Variants in SETD5 observed in about 807,000 individuals in gnomAD.
The protein encoded by SETD5 is SET domain containing 5.
SETD5 carries 44 observed loss-of-function variants against 153.3 expected under a neutral mutation model. That is an observed-to-expected ratio of 0.29 (90% CI 0.23 to 0.37). The LOEUF (loss-of-function observed/expected upper bound fraction) is 0.37. SETD5 is among the 10% of genes least tolerant of loss of function. SETD5 has a pLI of 1.00. For missense variants in SETD5, 1,544 were observed against 1,768.0 expected (o/e 0.87, Z 2.27); for synonymous variants, 716 against 645.2 (o/e 1.11, Z -1.66).
At chr3:9,426,377 A>G (rs958727063) in intron 2 of SETD5, among the ~76,000 whole-genome samples, 11 of 149,660 alleles carry the variant, frequency 7.3e-5, no homozygotes, top group African/African-American at 2.5e-4. Flanking sequence ...CTGGGACTAC[A>G]GGTGCATGCC....
intron 18 of SETD5, among the ~76,000 whole-genome samples, chr3:9,467,214 AAAAAAAAAAAC>A (rs2044706137): frequency 1.3e-5 from 2 of 151,302 alleles, no homozygotes; most frequent in Admixed American, 6.6e-5. Flanking sequence ...AAAAAAAAAA[AAAAAAAAAAAC>A]AACCTTACTA....
In SETD5 at chr3:9,447,294, C is replaced by A; in HGVS notation, c.1769C>A (p.Ser590Tyr). The A allele has an allele frequency of 6.2e-7, 1 of 1,613,070 alleles. No homozygotes were observed. The highest frequency in any genetic ancestry group is 8.5e-7 in the Non-Finnish European group (1 of 1,179,550). Residue 590 changes from serine (S) to tyrosine (Y), a missense_variant, in exon 14 of 23, where the codon TCT becomes TAT. Physicochemically the swap from Ser to Tyr is moderately radical, Grantham distance 144. This residue lies in a region of SETD5 where 782 missense variants were observed against 787.2 expected (regional missense o/e 0.99). Coordinates refer to ENST00000402198, the MANE Select transcript of SETD5 (RefSeq NM_001080517.3). ...PQSVGVNTRRSSQAGDIAAEK... is the reference protein window; with the variant it reads ...PQSVGVNTRRYSQAGDIAAEK... ...AGTGTTGGTGTGAATACCCGGAGGT[C>A]TTCCCAAGCAGGGGTAAGAGTTGAA...
rs1286039984 is a variant in SETD5, at chr3:9,440,445, G to A, written c.568-11G>A. On this transcript the variant is annotated splice_polypyrimidine_tract_variant and intron_variant, in intron 7 of 22. Transcript: ENST00000402198. The stretch of plus-strand genomic sequence containing the variant: ...GGACTTTACTAACCTCCCTGAATTT[G>A]TTTTCTACAGAATTCTCCCTCTGAA... 7.0e-7 allele frequency: 1 copy of A among 1,433,400 alleles called. No individual in the cohort carries two copies. The highest frequency in any genetic ancestry group is 1.1e-5 in the South Asian group (1 of 87,404). The allele number at this position is 1,433,400 out of a possible 1,614,324, so 88.8% of individuals were successfully genotyped here.
chr3:9,430,694 G>C (rs1170976343), intron 3 of SETD5: 2 of 394,544 alleles, frequency 5.1e-6, no homozygotes, highest in Non-Finnish European at 6.9e-6. Context: ...AAACCAATAC[G>C]TTTGGAATTG....
intron 1 of SETD5, among the ~76,000 whole-genome samples, chr3:9,412,391 T>G (rs570858054): frequency 2.2e-4 from 29 of 134,120 alleles, no homozygotes; most frequent in South Asian, 1.3e-3. Context: ...TTTTGGGTTT[T>G]TTTTTTTTTT....
intron 18 of SETD5, among the ~76,000 whole-genome samples, chr3:9,468,268 CT>C (rs1187439650): frequency 1.3e-5 from 2 of 152,052 alleles, no homozygotes; most frequent in Non-Finnish European, 2.9e-5. Context: ...GAGATGTTTA[CT>C]TACAGCATGA....
chr3:9,412,192 G>T (rs1027889478), intron 1 of SETD5, among the ~76,000 whole-genome samples: 3 of 151,768 alleles, frequency 2.0e-5, no homozygotes, highest in African/African-American at 7.3e-5. Context: ...TGATTTTTTT[G>T]TTGTTGTTTT....
chr3:9,434,612 C>A lies in SETD5; in HGVS notation c.329+127C>A. 6.7e-7 allele frequency: 1 copy of A among 1,495,372 alleles called. No homozygotes were observed. The highest frequency in any genetic ancestry group is 1.4e-5 in the South Asian group (1 of 73,060). 92.6% of individuals were successfully genotyped at this position (1,495,372 alleles called of 1,614,324 possible). ...TAGATGATTCCTTAGTGCTCCTTGG[C>A]TCGAATTCTCTGCACTAGGTGAGAA... On this transcript the variant is annotated intron_variant, in intron 5 of 22. Coordinates refer to ENST00000402198, the MANE Select transcript of SETD5 (RefSeq NM_001080517.3). The surrounding 1 kb of genome is among the most constrained non-coding windows in gnomAD (Gnocchi z 5.6).
At chr3:9,431,620 A>T (rs1206692398) in intron 3 of SETD5, 2 of 983,800 alleles carry the variant, frequency 2.0e-6, no homozygotes, top group Non-Finnish European at 2.4e-6. Context: ...GCACAGCAAT[A>T]TATTAAATGC....
rs184300828 is a variant in SETD5 at position 9,428,881 on chromosome 3, G to T, written c.-58G>T. On this transcript the variant is annotated 5_prime_UTR_variant, in exon 3 of 23. Coordinates refer to ENST00000402198, the MANE Select transcript of SETD5 (RefSeq NM_001080517.3). ...TCTGCAGCTCACCCCCACTCTCAGA[G>T]TGGTCAGTCTCCATTAATTGGACCC... The T allele has an allele frequency of 7.6e-6, 10 of 1,313,578 alleles. No individual in the cohort carries two copies. The African/African-American group carries it at 1.5e-4, about 19-fold the overall frequency. 81.4% of individuals were successfully genotyped at this position (1,313,578 alleles called of 1,614,324 possible).
chr3:9,434,480 G>C lies in SETD5; in HGVS notation c.324G>C (p.Lys108Asn). 1.2e-6 allele frequency: 2 copies of C among 1,613,962 alleles called. No homozygotes were observed. Among genetic ancestry groups the C allele is most frequent in the Non-Finnish European group, 1.7e-6 (2 of 1,179,870 alleles). Reference sequence around the variant, plus strand: ...ATGGCTTCCTTCTCAACTGTGACAAGTGCAGGTAAGATCCTGTTCCATCTA... The same window carrying C: ...ATGGCTTCCTTCTCAACTGTGACAACTGCAGGTAAGATCCTGTTCCATCTA... The part of the protein sequence containing the change: ...SQDGFLLNCD[K>N]CRGMSRGKVI... Residue 108 changes from lysine (K) to asparagine (N), a missense_variant, in exon 5 of 23, where the codon AAG (lysine) becomes AAC (asparagine). By Grantham distance (94) the Lys-to-Asn change is moderately conservative. Transcript: ENST00000402198. The surrounding 1 kb of genome is among the most constrained non-coding windows in gnomAD (Gnocchi z 5.6).
intron 18 of SETD5, among the ~76,000 whole-genome samples, chr3:9,469,237 G>T (rs1478892900): frequency 6.6e-6 from 1 of 152,134 alleles, no homozygotes; most frequent in Non-Finnish European, 1.5e-5. Context: ...ATCTCTTTAG[G>T]ATATCAGTAG....
At chr3:9,466,438 T>C (rs2044594658) in intron 18 of SETD5, among the ~76,000 whole-genome samples, 2 of 152,158 alleles carry the variant, frequency 1.3e-5, no homozygotes, top group Non-Finnish European at 2.9e-5. Flanking sequence ...TTGTTTTGTT[T>C]TGTTTTTTTT....
At chr3:9,431,282 T>A in intron 3 of SETD5, 1 of 985,416 alleles carries the variant, frequency 1.0e-6, no homozygotes, top group Non-Finnish European at 1.2e-6. Context: ...TGATAGCAGC[T>A]GGGTTGCATG....
At chr3:9,455,652 C>T (rs1407851786) in intron 17 of SETD5, among the ~76,000 whole-genome samples, 1 of 139,834 alleles carries the variant, frequency 7.2e-6, no homozygotes, top group Non-Finnish European at 1.5e-5. Context: ...TCTTTTTTAA[C>T]AGCTTTTAAG....
intron 17 of SETD5, among the ~76,000 whole-genome samples, chr3:9,456,996 G>A (rs936958739): frequency 7.9e-5 from 12 of 151,406 alleles, no homozygotes; most frequent in African/African-American, 2.9e-4. Flanking sequence ...AAGAAAGAAA[G>A]AGAGGGAGGG....
intron 17 of SETD5, among the ~76,000 whole-genome samples, chr3:9,456,694 G>C (rs939212923): frequency 6.6e-6 from 1 of 151,844 alleles, no homozygotes; most frequent in Non-Finnish European, 1.5e-5. Flanking sequence ...AAAGATTCTG[G>C]CTGGGTGTGA....
chr3:9,414,481 CA>C (rs1424161584), intron 1 of SETD5, among the ~76,000 whole-genome samples: 1 of 152,146 alleles, frequency 6.6e-6, no homozygotes, highest in Non-Finnish European at 1.5e-5. Context: ...CTGCTTGGCA[CA>C]ACAGGTGAAA....
At chr3:9,421,589 C>CAAGG (rs2038410236) in intron 1 of SETD5, among the ~76,000 whole-genome samples, 1 of 152,126 alleles carries the variant, frequency 6.6e-6, no homozygotes, top group Admixed American at 6.6e-5. Flanking sequence ...CATTCTCATA[C>CAAGG]AAGGTAAAGT....
Sources: gnomAD v4.1 joint callset for allele counts (sites outside exome capture counted in the v4.1 genomes callset) on GRCh38, gnomAD v4.1.1 for gene constraint, gnomAD v4.1.1 regional missense constraint, Gnocchi (gnomAD v3.1) non-coding constraint, MANE v1.5 for transcripts, NCBI Gene and HGNC (gene_info 2026-07-23, HGNC 2026-07-21) for gene names.